LRMDA: variants seen among roughly 807,000 people sequenced by gnomAD.
LRMDA encodes the protein leucine rich melanocyte differentiation associated.
Under a neutral mutation model 29.8 loss-of-function variants are expected in LRMDA, and 18 were observed. The observed-to-expected ratio is 0.60, with a 90% CI of 0.42 to 0.90. The LOEUF (loss-of-function observed/expected upper bound fraction) is 0.90. Ranked by LOEUF, LRMDA falls within the 40% of genes least tolerant of loss-of-function variation. The pLI is 0.00. For synonymous variants in LRMDA, 125 were observed against 109.4 expected, an observed-to-expected ratio of 1.14 and a Z score of -0.89; for missense variants, 273 against 273.9, an observed-to-expected ratio of 1.00 and a Z score of 0.02.
intron 5 of LRMDA, among the ~76,000 whole-genome samples, chr10:76,164,436 G>A (rs1303391006): frequency 6.6e-6 from 1 of 152,160 alleles, no homozygotes; most frequent in African/African-American, 2.4e-5. Flanking sequence ...GCAAATTACA[G>A]CCCATAAACC....
intron 2 of LRMDA, among the ~76,000 whole-genome samples, chr10:75,753,010 T>C (rs1399894535): frequency 6.6e-6 from 1 of 152,174 alleles, no homozygotes; most frequent in Non-Finnish European, 1.5e-5. Flanking sequence ...TGGTTTGAGA[T>C]TGTGTCTGAT....
intron 6 of LRMDA, among the ~76,000 whole-genome samples, chr10:76,414,190 A>G (rs1841991409): frequency 6.6e-6 from 1 of 152,228 alleles, no homozygotes; most frequent in South Asian, 2.1e-4. Context: ...ATTACCTCTG[A>G]CTTAACAGTG....
At chr10:75,599,309 T>C (rs1840849827) in intron 2 of LRMDA, among the ~76,000 whole-genome samples, 1 of 152,136 alleles carries the variant, frequency 6.6e-6, no homozygotes, top group South Asian at 2.1e-4. Context: ...AAAATGACAA[T>C]GCTGGCTCCT....
intron 5 of LRMDA, among the ~76,000 whole-genome samples, chr10:76,295,205 A>G (rs1840397101): frequency 6.6e-6 from 1 of 152,186 alleles, no homozygotes; most frequent in Non-Finnish European, 1.5e-5. Context: ...TTATTAAAGG[A>G]TCTTATTAAA....
chr10:75,560,441 A>G (rs1047210839), intron 2 of LRMDA, among the ~76,000 whole-genome samples: 9 of 148,870 alleles, frequency 6.0e-5, no homozygotes, highest in African/African-American at 1.7e-4. Flanking sequence ...GGGCTGAGAC[A>G]GTGGGGTTTT....
Position 76,073,469 on chromosome 10 carries a change from A to C in LRMDA, c.516+14686A>C, listed in dbSNP as rs77539033. Among the ~76,000 whole-genome samples the C allele has an allele frequency of 1.7e-3, 253 of 152,324 alleles. 2 individuals carry two copies. In the East Asian group the frequency reaches 0.042, roughly 25 times the overall value. On this transcript the variant is annotated intron_variant, in intron 5 of 6. Transcript: ENST00000611255. ...GTATAATTCTCTATCAAGTTGACCT[A>C]AGTACTATTAGTTACCAAACCATTT...
chr10:75,700,249 T>C (rs1226103446), intron 2 of LRMDA, among the ~76,000 whole-genome samples: 1 of 142,616 alleles, frequency 7.0e-6, no homozygotes, highest in Non-Finnish European at 1.5e-5. Context: ...ATTAAACCTT[T>C]GTGTGAGTTT....
intron 2 of LRMDA, among the ~76,000 whole-genome samples, chr10:75,670,625 G>A (rs1346492099): frequency 1.3e-5 from 2 of 152,178 alleles, no homozygotes; most frequent in Non-Finnish European, 2.9e-5. Context: ...CTTCCTTTAG[G>A]TGCTGATGTC....
intron 2 of LRMDA, among the ~76,000 whole-genome samples, chr10:75,816,535 G>A (rs1475428448): frequency 6.6e-6 from 1 of 152,140 alleles, no homozygotes; most frequent in Admixed American, 6.5e-5. Context: ...TTCCCAAAAG[G>A]GTAAAAGGAA....
At chr10:76,229,712 C>A (rs1376185452) in intron 5 of LRMDA, among the ~76,000 whole-genome samples, 1 of 152,116 alleles carries the variant, frequency 6.6e-6, no homozygotes, top group African/African-American at 2.4e-5. Context: ...TTTGAGGTAT[C>A]TCTTCCGAGC....
At chr10:76,024,328 C>T (rs947340020) in intron 2 of LRMDA, among the ~76,000 whole-genome samples, 6 of 152,294 alleles carry the variant, frequency 3.9e-5, no homozygotes, top group Non-Finnish European at 8.8e-5. Flanking sequence ...GTCTCTGTCC[C>T]TAACATTGTT....
At chr10:76,478,783 A>C (rs1200736206) in intron 6 of LRMDA, among the ~76,000 whole-genome samples, 1 of 152,006 alleles carries the variant, frequency 6.6e-6, no homozygotes, top group African/African-American at 2.4e-5. Flanking sequence ...CATTCTCAGC[A>C]AACTATATCA....
chr10:75,862,211 C>CACACACAT (rs1554830421), intron 2 of LRMDA, among the ~76,000 whole-genome samples: 1 of 151,566 alleles, frequency 6.6e-6, no homozygotes, highest in South Asian at 2.1e-4. Context: ...CACACACACA[C>CACACACAT]GCACTTAAGT....
intron 2 of LRMDA, among the ~76,000 whole-genome samples, chr10:75,695,188 A>C (rs909136622): frequency 1.3e-5 from 2 of 152,140 alleles, no homozygotes; most frequent in Non-Finnish European, 2.9e-5. Context: ...TCCTTAAAGC[A>C]AGAAATACCC....
At chr10:76,102,948 C>T (rs952712998) in intron 5 of LRMDA, among the ~76,000 whole-genome samples, 1 of 152,222 alleles carries the variant, frequency 6.6e-6, no homozygotes, top group African/African-American at 2.4e-5. Context: ...CTGGCCTGAA[C>T]ATGTCCTGCT....
intron 2 of LRMDA, among the ~76,000 whole-genome samples, chr10:75,452,727 T>G (rs995995731): frequency 6.6e-6 from 1 of 152,142 alleles, no homozygotes; most frequent in Admixed American, 6.5e-5. Context: ...CTAGCCTGAC[T>G]TGAAGGGAGT....
At chr10:75,828,106 C>T (rs1844277290) in intron 2 of LRMDA, among the ~76,000 whole-genome samples, 1 of 152,276 alleles carries the variant, frequency 6.6e-6, no homozygotes, top group African/African-American at 2.4e-5. Context: ...ATACTGTCTC[C>T]TTTGAAACCT....
At chr10:75,916,164 A>G (rs903555935) in intron 2 of LRMDA, among the ~76,000 whole-genome samples, 42 of 124,506 alleles carry the variant, frequency 3.4e-4, no homozygotes, top group South Asian at 1.9e-3. Context: ...TGCCAGGCCT[A>G]TGTGTGTGTG....
intron 2 of LRMDA, among the ~76,000 whole-genome samples, chr10:75,819,963 A>T (rs1024676294): frequency 6.6e-6 from 1 of 152,204 alleles, no homozygotes; most frequent in Non-Finnish European, 1.5e-5. Context: ...TGACAAGAGG[A>T]TGTAACAATT....
Sources: allele counts gnomAD v4.1 joint callset (sites outside exome capture counted in the v4.1 genomes callset), GRCh38; gene constraint gnomAD v4.1.1; transcripts MANE v1.5; gene names NCBI Gene and HGNC (gene_info 2026-07-23, HGNC 2026-07-21).